ZSCAN5A: variants seen among roughly 807,000 people sequenced by gnomAD.
ZSCAN5A encodes the protein zinc finger and SCAN domain-containing protein 5A.
Under a neutral mutation model 23.7 loss-of-function variants are expected in ZSCAN5A, and 12 were observed. The ratio of observed to expected loss-of-function variants is 0.51; its 90% CI spans 0.32 to 0.82. ZSCAN5A has a LOEUF of 0.82. ZSCAN5A is among the 40% of genes least tolerant of loss of function. The pLI is 0.03. For synonymous variants in ZSCAN5A, 257 were observed against 239.9 expected, an observed-to-expected ratio of 1.07 and a Z score of -0.66; for missense variants, 597 against 617.9, an observed-to-expected ratio of 0.97 and a Z score of 0.36.
At chr19:56,347,025 C>T (rs2041638651) in intron 2 of ZSCAN5A, 1 of 152,354 alleles carries the variant, frequency 6.6e-6, no homozygotes, top group Admixed American at 6.5e-5. Flanking sequence ...CTGTGCCCAG[C>T]CTCAATTATT....
intron 2 of ZSCAN5A, among the ~76,000 whole-genome samples, chr19:56,239,231 T>C (rs2035218178): frequency 6.6e-6 from 1 of 152,196 alleles, no homozygotes; most frequent in African/African-American, 2.4e-5. Context: ...AACCCTTCAA[T>C]GTATGTTAAG....
chr19:56,231,995 TC>T (rs57370067), intron 2 of ZSCAN5A, among the ~76,000 whole-genome samples: 6 of 85,816 alleles, frequency 7.0e-5, no homozygotes, highest in African/African-American at 1.4e-4. Context: ...TTTTTTCTTT[TC>T]TTTTTTTTTG....
intron 2 of ZSCAN5A, among the ~76,000 whole-genome samples, chr19:56,281,440 T>C (rs1356880509): frequency 6.6e-6 from 1 of 152,156 alleles, no homozygotes; most frequent in Admixed American, 6.5e-5. Flanking sequence ...TAAAGAAGGG[T>C]TTCTAACACT....
At chr19:56,299,355 A>G (rs2040083640) in intron 2 of ZSCAN5A, among the ~76,000 whole-genome samples, 1 of 152,044 alleles carries the variant, frequency 6.6e-6, no homozygotes, top group African/African-American at 2.4e-5. Context: ...CTGGTCTCAA[A>G]TTCCTGGGCC....
chr19:56,233,254 C>T (rs2034611337), intron 2 of ZSCAN5A, among the ~76,000 whole-genome samples: 1 of 152,044 alleles, frequency 6.6e-6, no homozygotes. Flanking sequence ...TGAGATGAGA[C>T]TTCTGCTTGT....
chr19:56,327,179 C>T (rs1020001680), intron 2 of ZSCAN5A, among the ~76,000 whole-genome samples: 5 of 152,030 alleles, frequency 3.3e-5, no homozygotes, highest in South Asian at 2.1e-4. Context: ...TGTAGTGACA[C>T]GATCATGGCT....
intron 2 of ZSCAN5A, among the ~76,000 whole-genome samples, chr19:56,235,049 C>T (rs1318046267): frequency 1.3e-5 from 2 of 151,856 alleles, no homozygotes; most frequent in African/African-American, 2.4e-5. Flanking sequence ...GCCTCCACTC[C>T]AGCCTCTGAT....
At chr19:56,364,931 C>A (rs2041755787) in intron 1 of ZSCAN5A, 1 of 152,184 alleles carries the variant, frequency 6.6e-6, no homozygotes, top group South Asian at 2.1e-4. Context: ...AGGGAAGTTT[C>A]CAGTGTGATG....
In ZSCAN5A at chr19:56,282,456, C is replaced by T. The variant is rs544617574; in HGVS notation, c.-128+30827G>A. On this transcript the variant is annotated intron_variant, in intron 2 of 5. Transcript: ENST00000683990. ...CAATATGGTTCCCACTGGCTACCAT[C>T]GGTCCTGTCCTTCCTGCTGCTTGTC... 12 of 984,568 alleles carry T rather than the reference C, an allele frequency of 1.2e-5. No homozygotes were observed. In the Admixed American group the frequency reaches 3.1e-4, roughly 25 times the overall value. The allele number at this position is 984,568 out of a possible 1,614,324, so 61.0% of individuals were successfully genotyped here.
At chr19:56,244,268 G>A (rs532017306) in intron 2 of ZSCAN5A, 49 of 1,608,184 alleles carry the variant, frequency 3.0e-5, no homozygotes, top group Middle Eastern at 3.5e-4. Flanking sequence ...GCTGAGGCCC[G>A]ACCTCCACAC....
intron 2 of ZSCAN5A, among the ~76,000 whole-genome samples, chr19:56,227,640 C>A (rs1420484094): frequency 6.6e-6 from 1 of 152,188 alleles, no homozygotes; most frequent in Non-Finnish European, 1.5e-5. Context: ...GGAGTATATA[C>A]CACACGGGTC....
At chr19:56,222,836 C>G in intron 4 of ZSCAN5A, 95 bp from the exon 5 acceptor site, 1 of 1,558,654 alleles carries the variant, frequency 6.4e-7, no homozygotes, top group African/African-American at 1.4e-5. Flanking sequence ...AACAACTCTT[C>G]TAATGACACA....
chr19:56,254,627 A>G (rs906455518), intron 2 of ZSCAN5A, among the ~76,000 whole-genome samples: 7 of 149,882 alleles, frequency 4.7e-5, no homozygotes, highest in South Asian at 2.1e-4. Flanking sequence ...TTCCTGGATT[A>G]TATCGTAATT....
chr19:56,353,556 T>C (rs941703916), intron 2 of ZSCAN5A, among the ~76,000 whole-genome samples: 1 of 151,446 alleles, frequency 6.6e-6, no homozygotes, highest in South Asian at 2.1e-4. Flanking sequence ...AATCAGGAGG[T>C]CAGGAGGTCA....
intron 2 of ZSCAN5A, among the ~76,000 whole-genome samples, chr19:56,284,513 A>ATTTTTTTTTTTTTTTTTTTTTTTTT (rs11374260): frequency 1.7e-5 from 2 of 118,318 alleles, no homozygotes; most frequent in African/African-American, 3.1e-5. Context: ...GCTTGCTGTA[A>ATTTTTTTTTTTTTTTTTTTTTTTTT]TTTTTTTTTT....
At chr19:56,359,544 C>T (rs1168095617) in intron 2 of ZSCAN5A, among the ~76,000 whole-genome samples, 2 of 152,106 alleles carry the variant, frequency 1.3e-5, no homozygotes, top group South Asian at 2.1e-4. Flanking sequence ...TCCAAACAAT[C>T]GAAAAGAAGA....
At chr19:56,276,056 C>T (rs1375701207) in intron 2 of ZSCAN5A, among the ~76,000 whole-genome samples, 2 of 152,158 alleles carry the variant, frequency 1.3e-5, no homozygotes, top group Admixed American at 1.3e-4. Context: ...TCCCTGCTCC[C>T]GTTGTGAACT....
chr19:56,269,790 C>T (rs1416085190), intron 2 of ZSCAN5A, among the ~76,000 whole-genome samples: 1 of 152,164 alleles, frequency 6.6e-6, no homozygotes, highest in Admixed American at 6.5e-5. Flanking sequence ...GTAGAAGCTG[C>T]AGAAGGCAAG....
chr19:56,330,338 G>A (rs2041478190), intron 2 of ZSCAN5A, among the ~76,000 whole-genome samples: 1 of 152,070 alleles, frequency 6.6e-6, no homozygotes, highest in South Asian at 2.1e-4. Flanking sequence ...ATTTTCTTTT[G>A]GATATAAAAC....
Sources: allele counts gnomAD v4.1 joint callset (sites outside exome capture counted in the v4.1 genomes callset), GRCh38; gene constraint gnomAD v4.1.1; transcripts MANE v1.5; gene names NCBI Gene and HGNC (gene_info 2026-07-23, HGNC 2026-07-21).